Variants in CABLES1 observed in about 807,000 individuals in gnomAD.
CABLES1 encodes CDK5 and ABL1 enzyme substrate 1.
In CABLES1, 36 loss-of-function variants were observed where a neutral mutation model predicts 57.8. The observed-to-expected ratio is 0.62, with a 90% confidence interval of 0.48 to 0.82. The LOEUF is 0.82. CABLES1 is among the 40% of genes least tolerant of loss of function. CABLES1 has a pLI of 0.00. For synonymous variants in CABLES1, 374 were observed against 363.0 expected (o/e 1.03, Z -0.35); for missense variants, 767 against 836.6 (o/e 0.92, Z 1.03).
At chr18:23,139,200 A>G (rs12327253) in intron 1 of CABLES1, among the ~76,000 whole-genome samples, 57,944 of 151,572 alleles carry the variant, frequency 0.38, 12,230 homozygotes, top group African/African-American at 0.58. Flanking sequence ...TCAGGAGTTC[A>G]AGACCAGCCT....
At chr18:23,232,562 G>A (rs780458262) in intron 4 of CABLES1, among the ~76,000 whole-genome samples, 5 of 152,264 alleles carry the variant, frequency 3.3e-5, no homozygotes, top group Non-Finnish European at 4.4e-5. Flanking sequence ...TTTGAGAATC[G>A]CCCTGGGGTG....
chr18:23,237,515 A>G (rs963026087), intron 7 of CABLES1, among the ~76,000 whole-genome samples: 1 of 152,160 alleles, frequency 6.6e-6, no homozygotes, highest in Non-Finnish European at 1.5e-5. Context: ...CTGAAGGGGG[A>G]TGTCCGAGCT....
intron 3 of CABLES1, among the ~76,000 whole-genome samples, chr18:23,196,352 G>A: frequency 6.6e-6 from 1 of 152,180 alleles, no homozygotes; most frequent in East Asian, 1.9e-4. Flanking sequence ...CCAGGTGAGA[G>A]CTGGTTTTCT....
chr18:23,143,721 C>A (rs1416463093), intron 1 of CABLES1, among the ~76,000 whole-genome samples: 1 of 152,084 alleles, frequency 6.6e-6, no homozygotes, highest in Non-Finnish European at 1.5e-5. Flanking sequence ...TGTGCAGGTC[C>A]CCTTGGCCCC....
At chr18:23,248,812 C>T (rs376881665) in intron 7 of CABLES1, among the ~76,000 whole-genome samples, 3 of 152,018 alleles carry the variant, frequency 2.0e-5, no homozygotes, top group African/African-American at 7.3e-5. Context: ...GCAACAAGAG[C>T]GAAACTCCAT....
At position 23,161,754 on chromosome 18, in the gene CABLES1, C is replaced by CAAAAAAAA. The variant is rs1184010487; in HGVS notation, c.845+25161_845+25168dup. Among the ~76,000 whole-genome samples the CAAAAAAAA allele has an allele frequency of 1.3e-3, 43 of 33,120 alleles. 8 individuals carry two copies. Among genetic ancestry groups the CAAAAAAAA allele is most frequent in the East Asian group, 2.3e-3 (3 of 1,294 alleles). 21.7% of individuals were successfully genotyped at this position (33,120 alleles called of 152,430 possible). On this transcript the variant is annotated intron_variant, in intron 1 of 9. Coordinates refer to ENST00000256925, the MANE Select transcript of CABLES1 (RefSeq NM_001100619.3). ...TGAAACCCCGTCTCTACTAAAAATCCAAAAAAAAAAAAAAAAAAAAAGCCA... is the reference window on the plus strand; with the variant it reads ...TGAAACCCCGTCTCTACTAAAAATCCAAAAAAAAAAAAAAAAAAAAAAAAAAAAAGCCA...
chr18:23,175,507 C>T (rs866509072), intron 1 of CABLES1, among the ~76,000 whole-genome samples: 2 of 152,140 alleles, frequency 1.3e-5, no homozygotes, highest in African/African-American at 4.8e-5. Flanking sequence ...TGCATTGCGT[C>T]TTACTTTGTC....
chr18:23,253,677 C>T, intron 8 of CABLES1, 52 bp from the exon 9 acceptor site: 1 of 1,499,336 alleles, frequency 6.7e-7, no homozygotes, highest in African/African-American at 1.4e-5. Flanking sequence ...TTTCTGTCCA[C>T]TGAAACTCTA....
chr18:23,146,305 CT>C (rs552377457), intron 1 of CABLES1, among the ~76,000 whole-genome samples: 5 of 149,716 alleles, frequency 3.3e-5, no homozygotes, highest in Non-Finnish European at 3.0e-5. Flanking sequence ...AATGGTAGTT[CT>C]TTTTTTTTTC....
chr18:23,228,657 C>T (rs1482407768), intron 4 of CABLES1, among the ~76,000 whole-genome samples: 1 of 150,340 alleles, frequency 6.7e-6, no homozygotes, highest in Admixed American at 6.6e-5. Flanking sequence ...TAATCCCCAC[C>T]CCCATCTTCT....
At chr18:23,171,020 A>G (rs1049278531) in intron 1 of CABLES1, among the ~76,000 whole-genome samples, 2 of 152,008 alleles carry the variant, frequency 1.3e-5, no homozygotes, top group African/African-American at 4.8e-5. Flanking sequence ...CTGGTCTCGA[A>G]CTCCTGACCT....
intron 4 of CABLES1, among the ~76,000 whole-genome samples, chr18:23,227,450 C>A (rs1384791088): frequency 6.6e-6 from 1 of 152,240 alleles, no homozygotes; most frequent in Non-Finnish European, 1.5e-5. Context: ...AAGACCCCTT[C>A]ATTGTCTGCC....
chr18:23,189,472 AC>A (rs1471026653), intron 2 of CABLES1: 1 of 155,228 alleles, frequency 6.4e-6, no homozygotes, highest in Non-Finnish European at 1.4e-5. Context: ...CCGGTGACTG[AC>A]AGGTTCCTCT....
intron 1 of CABLES1, among the ~76,000 whole-genome samples, chr18:23,154,981 G>C (rs1357490056): frequency 6.6e-6 from 1 of 152,196 alleles, no homozygotes. Flanking sequence ...GACTAAACCA[G>C]ACTTTTTTAT....
chr18:23,194,607 A>G lies in CABLES1; in HGVS notation c.1010+67A>G. On this transcript the variant is annotated intron_variant, in intron 3 of 9. Transcript: ENST00000256925. ...GGAGACAGGGACTGGAGGAGGGGAC[A>G]GTTTTAGTGGCCAAAACTCAGCAAA... The G allele has an allele frequency of 4.7e-6, 5 of 1,069,664 alleles. No homozygotes were observed. In the South Asian group the frequency reaches 6.3e-5, roughly 13 times the overall value. The allele number at this position is 1,069,664 out of a possible 1,614,324, so 66.3% of individuals were successfully genotyped here.
At chr18:23,189,454 G>C in intron 2 of CABLES1, 1 of 157,792 alleles carries the variant, frequency 6.3e-6, no homozygotes, top group South Asian at 1.9e-4. Context: ...GAGCTGTGCT[G>C]TGCTGTGCCG....
intron 1 of CABLES1, among the ~76,000 whole-genome samples, chr18:23,151,119 C>T (rs376526248): frequency 1.5e-4 from 23 of 150,740 alleles, no homozygotes; most frequent in Middle Eastern, 3.4e-3. Context: ...CCTGGGTTCA[C>T]GCCCTTCTCC....
In CABLES1 at chr18:23,258,926, G is replaced by A. The variant is rs1048357555; in HGVS notation, c.*1559G>A. 1.3e-5 allele frequency: 2 copies of A among 150,350 alleles called. No individual in the cohort carries two copies. The highest frequency in any genetic ancestry group is 1.3e-4 in the Admixed American group (2 of 15,066). The allele number at this position is 150,350 out of a possible 1,614,324, so 9.3% of individuals were successfully genotyped here. ...CTTCTTCAGAATCTTAGATTGCACT[G>A]AGTTTAGTCCTAAATATTTTGCTAA... On this transcript the variant is annotated 3_prime_UTR_variant, in exon 10 of 10. Transcript: ENST00000256925.
In CABLES1 at chr18:23,177,378, C is replaced by T. The variant is rs531308168; in HGVS notation, c.846-11460C>T. Among the ~76,000 whole-genome samples the T allele has an allele frequency of 5.3e-5, 8 of 151,026 alleles. No homozygotes were observed. The South Asian group carries it at 1.5e-3, about 28-fold the overall frequency. Reference sequence around the variant, plus strand: ...TTCGTAGCCCTGTACCTCCTGTGTTCGGGTGTGAGACTGAAAGGTGCTATG... The same window carrying T: ...TTCGTAGCCCTGTACCTCCTGTGTTTGGGTGTGAGACTGAAAGGTGCTATG... On this transcript the variant is annotated intron_variant, in intron 1 of 9. Coordinates refer to ENST00000256925, the MANE Select transcript of CABLES1 (RefSeq NM_001100619.3).
Sources: allele counts gnomAD v4.1 joint callset (sites outside exome capture counted in the v4.1 genomes callset), GRCh38; gene constraint gnomAD v4.1.1; transcripts MANE v1.5; gene names NCBI Gene and HGNC (gene_info 2026-07-23, HGNC 2026-07-21).